PLOD2: variants seen among roughly 807,000 people sequenced by gnomAD.
PLOD2 encodes the protein procollagen-lysine,2-oxoglutarate 5-dioxygenase 2, also known as lysine hydroxylase 2.
Under a neutral mutation model 101.0 loss-of-function variants are expected in PLOD2, and 65 were observed. That is an observed-to-expected ratio of 0.64 (90% confidence interval 0.53 to 0.79). PLOD2 has a LOEUF of 0.79. Ranked by LOEUF, PLOD2 falls within the 30% of genes least tolerant of loss-of-function variation. The probability of loss-of-function intolerance (pLI) is 0.00; values close to 1 mark genes in which losing one functional copy is unlikely to be tolerated. For synonymous variants in PLOD2, 314 were observed against 302.9 expected, an observed-to-expected ratio of 1.04 and a Z score of -0.38; for missense variants, 909 against 914.6, an observed-to-expected ratio of 0.99 and a Z score of 0.08.
At chr3:146,088,390 T>G (rs767093665) in intron 9 of PLOD2, among the ~76,000 whole-genome samples, 196 bp downstream of exon 9, 6 of 151,658 alleles carry the variant, frequency 4.0e-5, no homozygotes, top group Non-Finnish European at 7.4e-5. Context: ...GGCAGTTTCA[T>G]GTGGCTCATA....
At chr3:146,124,983 A>G (rs2030465690) in intron 1 of PLOD2, among the ~76,000 whole-genome samples, 1 of 152,160 alleles carries the variant, frequency 6.6e-6, no homozygotes, top group Non-Finnish European at 1.5e-5. Flanking sequence ...CAAAACACCT[A>G]CATAAGCTAC....
At chr3:146,145,582 TACAAA>T (rs1367736623) in intron 1 of PLOD2, among the ~76,000 whole-genome samples, 2 of 152,120 alleles carry the variant, frequency 1.3e-5, no homozygotes, top group Non-Finnish European at 2.9e-5. Context: ...GCAAAGAAAC[TACAAA>T]AGTAAAAAAC....
intron 12 of PLOD2, among the ~76,000 whole-genome samples, chr3:146,080,668 C>T (rs2108009058): frequency 6.6e-6 from 1 of 152,120 alleles, no homozygotes. Context: ...CCTAAAGCAA[C>T]TTGAAACAAA....
chr3:146,144,447 T>C (rs2031676089), intron 1 of PLOD2, among the ~76,000 whole-genome samples: 1 of 152,054 alleles, frequency 6.6e-6, no homozygotes, highest in South Asian at 2.1e-4. Context: ...TGAAAATCCA[T>C]AAAACCTTCT....
At chr3:146,071,226 C>A (rs1418391941) in intron 18 of PLOD2, 51 bp downstream of exon 18, 6 of 1,610,640 alleles carry the variant, frequency 3.7e-6, no homozygotes, top group Non-Finnish European at 5.1e-6. Flanking sequence ...AAAAAGAACA[C>A]CTGTGTAAAA....
At chr3:146,131,275 T>G (rs544494150) in intron 1 of PLOD2, among the ~76,000 whole-genome samples, 19 of 152,354 alleles carry the variant, frequency 1.2e-4, no homozygotes, top group Non-Finnish European at 2.5e-4. Flanking sequence ...TTGCTTTGTA[T>G]CCTTTCACAA....
intron 7 of PLOD2, among the ~76,000 whole-genome samples, chr3:146,093,704 T>C (rs918602225): frequency 2.6e-5 from 4 of 152,166 alleles, no homozygotes; most frequent in Non-Finnish European, 5.9e-5. Context: ...CTCTATTATA[T>C]ATAAAGACTG....
intron 2 of PLOD2, among the ~76,000 whole-genome samples, 156 bp from the exon 3 acceptor site, chr3:146,121,404 C>T (rs1269135621): frequency 1.3e-5 from 2 of 151,978 alleles, no homozygotes; most frequent in African/African-American, 4.8e-5. Context: ...AATCTAGATG[C>T]CTAAATCAGA....
chr3:146,073,953 CTTCAG>C (rs1936241991), intron 15 of PLOD2, among the ~76,000 whole-genome samples: 1 of 151,412 alleles, frequency 6.6e-6, no homozygotes, highest in African/African-American at 2.4e-5. Flanking sequence ...TCTGCCTTCA[CTTCAG>C]TTATTAATAT....
At chr3:146,098,948 T>C (rs367832319) in intron 7 of PLOD2, among the ~76,000 whole-genome samples, 2 of 152,184 alleles carry the variant, frequency 1.3e-5, no homozygotes, top group East Asian at 3.8e-4. Flanking sequence ...ACATACTCAT[T>C]TGAATTTATT....
chr3:146,106,465 C>T, intron 5 of PLOD2, 67 bp downstream of exon 5: 1 of 806,104 alleles, frequency 1.2e-6, no homozygotes. Context: ...GACCACTCCA[C>T]ATTAACACAA....
chr3:146,089,311 G>C (rs1936895615), intron 8 of PLOD2, among the ~76,000 whole-genome samples: 2 of 150,486 alleles, frequency 1.3e-5, no homozygotes, highest in Admixed American at 6.6e-5. Context: ...TTTTGGTGTG[G>C]AGTTTATCCT....
chr3:146,110,530 A>T, intron 3 of PLOD2, 82 bp from the exon 4 acceptor site: 1 of 1,141,560 alleles, frequency 8.8e-7, no homozygotes, highest in East Asian at 2.4e-5. Context: ...CTCTAACAAA[A>T]GTCAGAATCA....
At chr3:146,151,567 C>T (rs1030079475) in intron 1 of PLOD2, among the ~76,000 whole-genome samples, 2 of 151,506 alleles carry the variant, frequency 1.3e-5, no homozygotes, top group Admixed American at 6.6e-5. Flanking sequence ...TAAAATCTGA[C>T]GAGGCTCAAG....
intron 12 of PLOD2, among the ~76,000 whole-genome samples, chr3:146,081,167 G>A (rs1163057457): frequency 1.3e-5 from 2 of 152,010 alleles, no homozygotes; most frequent in Non-Finnish European, 2.9e-5. Flanking sequence ...ATCAACCATT[G>A]TCTCTGAAAT....
At chr3:146,124,995 AC>A (rs748641021) in intron 1 of PLOD2, among the ~76,000 whole-genome samples, 3 of 152,172 alleles carry the variant, frequency 2.0e-5, no homozygotes, top group Non-Finnish European at 4.4e-5. Context: ...ATAAGCTACT[AC>A]AGATAATGAT....
chr3:146,131,927 A>G (rs1241176636), intron 1 of PLOD2, among the ~76,000 whole-genome samples: 1 of 114,550 alleles, frequency 8.7e-6, no homozygotes, highest in Non-Finnish European at 1.9e-5. Context: ...CACAATTTCA[A>G]CAAGAAAAAA....
chr3:146,085,488 A>C (rs1936735040), intron 10 of PLOD2: 1 of 540,304 alleles, frequency 1.9e-6, no homozygotes, highest in South Asian at 2.9e-5. Context: ...TCACCTCTAA[A>C]ATTTTAAGCC....
chr3:146,124,375 G>GA, intron 1 of PLOD2, 146 bp from the exon 2 acceptor site: 2 of 557,304 alleles, frequency 3.6e-6, no homozygotes, highest in South Asian at 2.4e-5. Context: ...AAGAGCTGTC[G>GA]AAAAAATAGA....
Sources: allele counts gnomAD v4.1 joint callset (sites outside exome capture counted in the v4.1 genomes callset), GRCh38; gene constraint gnomAD v4.1.1; transcripts MANE v1.5; gene names NCBI Gene and HGNC (gene_info 2026-07-23, HGNC 2026-07-21).